KLHDC10: variants seen among roughly 807,000 people sequenced by gnomAD.
The protein encoded by KLHDC10 is kelch domain containing 10.
KLHDC10 carries 24 observed loss-of-function variants against 56.1 expected under a neutral mutation model. The ratio of observed to expected loss-of-function variants is 0.43; its 90% CI spans 0.31 to 0.60. The LOEUF is 0.60. KLHDC10 is among the 20% of genes least tolerant of loss of function. The pLI is 0.11. For missense variants in KLHDC10, 349 were observed against 567.0 expected (o/e 0.62, Z 3.91); for synonymous variants, 188 against 207.1 (o/e 0.91, Z 0.79).
rs13311172 is a variant in KLHDC10, at chr7:130,123,016, T to G, written c.779+814T>G. ...ATGGGTGATGAATGATAGATGGATG[T>G]ATGGATGGATGGATGGATGGATGGA... On this transcript the variant is annotated intron_variant, in intron 5 of 9. Transcript: ENST00000335420. Among the ~76,000 whole-genome samples, 534 of 149,050 alleles carry G rather than the reference T, an allele frequency of 3.6e-3. 4 individuals are homozygous for G. Among genetic ancestry groups the G allele is most frequent in the African/African-American group, 0.011 (466 of 40,536 alleles).
In KLHDC10 at chr7:130,133,766, T is replaced by A. The variant is rs1189694620; in HGVS notation, c.*3020T>A. 1.3e-5 allele frequency: 2 copies of A among 152,242 alleles called. No individual in the cohort carries two copies. The highest frequency in any genetic ancestry group is 4.8e-5 in the African/African-American group (2 of 41,460). The allele number at this position is 152,242 out of a possible 1,614,324, so 9.4% of individuals were successfully genotyped here. Reference sequence around the variant, plus strand: ...TAGTATTTAACACTAACCATTCTCCTATGTATATACTAATTTATCTGGGAA... The same window carrying A: ...TAGTATTTAACACTAACCATTCTCCAATGTATATACTAATTTATCTGGGAA... On this transcript the variant is annotated 3_prime_UTR_variant, in exon 10 of 10. Transcript: ENST00000335420.
intron 2 of KLHDC10, among the ~76,000 whole-genome samples, chr7:130,109,640 TTTTG>T (rs933924700): frequency 1.3e-5 from 2 of 151,976 alleles, no homozygotes; most frequent in Non-Finnish European, 2.9e-5. Context: ...ATAATGTTCT[TTTTG>T]TTTGTTTGTT....
Position 130,077,594 on chromosome 7 carries a change from C to T in KLHDC10, c.166+6785C>T, listed in dbSNP as rs866991071. On this transcript the variant is annotated intron_variant, in intron 1 of 9. Transcript: ENST00000335420. ...TTTTTGAGACGGAGTCTTGCTCTGT[C>T]GCCCAGGCTGGAGTGCAGTGGCACC... Among the ~76,000 whole-genome samples, 332 of 119,510 alleles carry T rather than the reference C, an allele frequency of 2.8e-3. 2 individuals are homozygous for T. The highest frequency in any genetic ancestry group is 9.6e-3 in the African/African-American group (311 of 32,290). 78.4% of individuals were successfully genotyped at this position (119,510 alleles called of 152,430 possible).
In KLHDC10 at chr7:130,135,299, A is replaced by T. The variant is rs1268274939; in HGVS notation, c.*4553A>T. On this transcript the variant is annotated 3_prime_UTR_variant, in exon 10 of 10. Coordinates refer to ENST00000335420, the MANE Select transcript of KLHDC10 (RefSeq NM_014997.4). Reference sequence around the variant, plus strand: ...TCTCTAAAGCCACTTCCTTGTGCACAGAGTCTGCACAGGGAGAGCACAGGC... The same window carrying T: ...TCTCTAAAGCCACTTCCTTGTGCACTGAGTCTGCACAGGGAGAGCACAGGC... The T allele has an allele frequency of 6.5e-6, 1 of 154,336 alleles. No individual in the cohort carries two copies. Among genetic ancestry groups the T allele is most frequent in the Non-Finnish European group, 1.5e-5 (1 of 68,202 alleles). 9.6% of individuals were successfully genotyped at this position (154,336 alleles called of 1,614,324 possible).
At chr7:130,095,028 C>G (rs1445290227) in intron 1 of KLHDC10, 1 of 152,000 alleles carries the variant, frequency 6.6e-6, no homozygotes, top group Non-Finnish European at 1.5e-5. Context: ...TTTTGTGTGT[C>G]TGTCTTGTCT....
chr7:130,079,877 C>T (rs987450875), intron 1 of KLHDC10, among the ~76,000 whole-genome samples: 1 of 136,436 alleles, frequency 7.3e-6, no homozygotes, highest in East Asian at 2.1e-4. Context: ...TTTCTTCCTC[C>T]CTCCCTCCCT....
intron 1 of KLHDC10, among the ~76,000 whole-genome samples, chr7:130,085,833 CAAAAAAAA>C (rs55805509): frequency 9.3e-5 from 8 of 86,308 alleles, no homozygotes; most frequent in South Asian, 8.0e-4. Flanking sequence ...GACTCTTTCT[CAAAAAAAA>C]AAAAAAAAAA....
intron 1 of KLHDC10, 28 bp from the exon 2 acceptor site, chr7:130,096,893 G>T: frequency 6.5e-7 from 1 of 1,535,682 alleles, no homozygotes; most frequent in South Asian, 1.1e-5. Flanking sequence ...GTATGTGTCT[G>T]ACTTATTGCT....
intron 1 of KLHDC10, among the ~76,000 whole-genome samples, chr7:130,082,629 T>A (rs1795624300): frequency 6.6e-6 from 1 of 152,220 alleles, no homozygotes; most frequent in Admixed American, 6.5e-5. Context: ...TGGTGGCCTA[T>A]TTTACTTCTC....
intron 1 of KLHDC10, among the ~76,000 whole-genome samples, chr7:130,087,191 T>A (rs1166979597): frequency 6.6e-6 from 1 of 152,236 alleles, no homozygotes; most frequent in African/African-American, 2.4e-5. Context: ...TTCTTTTTGT[T>A]ACTAGTACTG....
chr7:130,118,293 T>C (rs532195576), intron 3 of KLHDC10, among the ~76,000 whole-genome samples: 1 of 152,374 alleles, frequency 6.6e-6, no homozygotes, highest in East Asian at 1.9e-4. Flanking sequence ...CTTTGTACTT[T>C]TATGTTATGG....
At chr7:130,072,086 T>C (rs555841608) in intron 1 of KLHDC10, among the ~76,000 whole-genome samples, 1 of 152,186 alleles carries the variant, frequency 6.6e-6, no homozygotes, top group African/African-American at 2.4e-5. Context: ...TTGCTAAATA[T>C]ACGATCTTTA....
chr7:130,108,556 C>CAAAAAAA (rs71175086), intron 2 of KLHDC10, among the ~76,000 whole-genome samples: 4 of 85,658 alleles, frequency 4.7e-5, no homozygotes, highest in South Asian at 4.3e-4. Context: ...ACCAAATATC[C>CAAAAAAA]AAAAAAAAAA....
In KLHDC10 at chr7:130,120,216, G is replaced by C. The variant is rs1388573205; in HGVS notation, c.476-533G>C. ...TTGCTGCATGCTTGAACTGTCTTCA[G>C]CAGCAGTGGTATACTGGGTAGACTG... is the stretch of plus-strand genomic sequence containing the variant. On this transcript the variant is annotated intron_variant, in intron 3 of 9. Transcript: ENST00000335420. This position sits in a 1 kb window ranked among gnomAD's most constrained non-coding sequence, Gnocchi z 5.1. 6.6e-6 allele frequency among the ~76,000 whole-genome samples: 1 copy of C among 152,180 alleles called. No individual in the cohort carries two copies. Among genetic ancestry groups the C allele is most frequent in the Non-Finnish European group, 1.5e-5 (1 of 68,036 alleles).
In KLHDC10 at chr7:130,098,910, A is replaced by G. The variant is rs1014428618; in HGVS notation, c.253+1903A>G. ...ACAGGTAAGTTTTATACCATTGGTTATTTGTAAGCCCTCAATAGCCTCAAT... is the reference window on the plus strand; with the variant it reads ...ACAGGTAAGTTTTATACCATTGGTTGTTTGTAAGCCCTCAATAGCCTCAAT... On this transcript the variant is annotated intron_variant, in intron 2 of 9. Coordinates refer to ENST00000335420, the MANE Select transcript of KLHDC10 (RefSeq NM_014997.4). Among the ~76,000 whole-genome samples, 3 of 152,280 alleles carry G rather than the reference A, an allele frequency of 2.0e-5. No homozygotes were observed. The South Asian group carries it at 6.2e-4, about 32-fold the overall frequency.
intron 1 of KLHDC10, among the ~76,000 whole-genome samples, chr7:130,078,126 A>G (rs58494126): frequency 0.99 from 150,225 of 151,430 alleles, 74,532 homozygotes; most frequent in East Asian, 1. Flanking sequence ...CCAGCACTTT[A>G]GGAGGCTGAG....
At chr7:130,104,134 G>A (rs1321161235) in intron 2 of KLHDC10, among the ~76,000 whole-genome samples, 1 of 152,138 alleles carries the variant, frequency 6.6e-6, no homozygotes, top group Non-Finnish European at 1.5e-5. Context: ...CATTCATTAA[G>A]TGGAAGTGGA....
chr7:130,102,466 A>G (rs1437070757), intron 2 of KLHDC10, among the ~76,000 whole-genome samples: 1 of 152,206 alleles, frequency 6.6e-6, no homozygotes, highest in Non-Finnish European at 1.5e-5. Context: ...AACTTGAGGA[A>G]GTTCTAATCA....
chr7:130,127,253 G>A, intron 7 of KLHDC10, 151 bp from the exon 8 acceptor site: 1 of 650,300 alleles, frequency 1.5e-6, no homozygotes, highest in Non-Finnish European at 2.8e-6. Flanking sequence ...TTTGAAATAA[G>A]GAGGGAGTGG....
Sources: gnomAD v4.1 joint callset for allele counts (sites outside exome capture counted in the v4.1 genomes callset) on GRCh38, gnomAD v4.1.1 for gene constraint, Gnocchi (gnomAD v3.1) non-coding constraint, MANE v1.5 for transcripts, NCBI Gene and HGNC (gene_info 2026-07-23, HGNC 2026-07-21) for gene names.